The following KCNQ1 variants were observed in gnomAD, a reference collection of about 807,000 sequenced individuals.
KCNQ1 encodes the protein potassium voltage-gated channel subfamily KQT member 1.
In KCNQ1, 49 loss-of-function variants were observed where a neutral mutation model predicts 72.4. The ratio of observed to expected loss-of-function variants is 0.68; its 90% confidence interval spans 0.54 to 0.86. The LOEUF (loss-of-function observed/expected upper bound fraction) is 0.86, where lower values mean the gene tolerates loss of function less well. Among genes scored for constraint, KCNQ1 ranks in the 40% least tolerant of loss-of-function variants. The pLI, the probability that KCNQ1 is intolerant of heterozygous loss-of-function variation, is 0.00. For missense variants in KCNQ1, 790 were observed against 945.1 expected (o/e 0.84, Z 2.15); for synonymous variants, 450 against 412.6 (o/e 1.09, Z -1.10).
In KCNQ1 at chr11:2,629,293, T is replaced by C. The variant is rs905133475; in HGVS notation, c.1394-32668T>C. ...TCAATGTTTCATAGTTTTCAGTGTC[T>C]AGGTCTTTTATCTCCTTGGTTAAAT... On this transcript the variant is annotated intron_variant, in intron 10 of 15. Transcript: ENST00000155840. 32 of 398,444 alleles carry C rather than the reference T, an allele frequency of 8.0e-5. 1 individual carries two copies. Among genetic ancestry groups the C allele is most frequent in the Middle Eastern group, 1.3e-3 (2 of 1,586 alleles). The allele number at this position is 398,444 out of a possible 1,614,324, so 24.7% of individuals were successfully genotyped here.
intron 11 of KCNQ1, among the ~76,000 whole-genome samples, chr11:2,749,994 C>A (rs1030005166): frequency 6.6e-6 from 1 of 151,054 alleles, no homozygotes; most frequent in Non-Finnish European, 1.5e-5. Context: ...AGGGGCTCTA[C>A]ACGGCGCCCT....
chr11:2,743,979 A>T (rs1169061825), intron 11 of KCNQ1, among the ~76,000 whole-genome samples: 6 of 152,108 alleles, frequency 3.9e-5, no homozygotes, highest in Non-Finnish European at 8.8e-5. Flanking sequence ...TTCTGGCCTG[A>T]TCCGGGGCCT....
At chr11:2,740,854 C>G (rs752686239) in intron 11 of KCNQ1, among the ~76,000 whole-genome samples, 2 of 152,244 alleles carry the variant, frequency 1.3e-5, no homozygotes, top group Non-Finnish European at 2.9e-5. Context: ...TCCCCTGCCT[C>G]TTTCCCGTAT....
At chr11:2,702,470 T>C (rs1850832472) in intron 11 of KCNQ1, among the ~76,000 whole-genome samples, 1 of 152,210 alleles carries the variant, frequency 6.6e-6, no homozygotes, top group African/African-American at 2.4e-5. Flanking sequence ...CAAAGGGTGT[T>C]GGTTAGGATT....
intron 11 of KCNQ1, among the ~76,000 whole-genome samples, chr11:2,760,168 C>T (rs1434939532): frequency 1.3e-5 from 2 of 152,190 alleles, no homozygotes; most frequent in Non-Finnish European, 2.9e-5. Flanking sequence ...GGGCTCCTGG[C>T]TTTGAATTTG....
chr11:2,637,730 G>C (rs183214709), intron 10 of KCNQ1: 1 of 152,266 alleles, frequency 6.6e-6, no homozygotes, highest in East Asian at 1.9e-4. Flanking sequence ...TTCAATTCCT[G>C]GATATCCTTG....
rs1850363646 is a variant in KCNQ1 at position 2,679,975 on chromosome 11, C to T, written c.1514+17894C>T. On this transcript the variant is annotated intron_variant, in intron 11 of 15. Coordinates refer to ENST00000155840, the MANE Select transcript of KCNQ1 (RefSeq NM_000218.3). The surrounding 1 kb of genome is among the most constrained non-coding windows in gnomAD (Gnocchi z 4.8). ...GTGGCACAGTCTCGGCTTACTGCAA[C>T]CTCTACCTCCTGGGTTCAAGCAATT... is the stretch of plus-strand genomic sequence containing the variant. 2 of 396,918 alleles carry T rather than the reference C, an allele frequency of 5.0e-6. No homozygotes were observed. Among genetic ancestry groups the T allele is most frequent in the Admixed American group, 4.4e-5 (1 of 22,654 alleles). 24.6% of individuals were successfully genotyped at this position (396,918 alleles called of 1,614,324 possible). A position where few individuals can be genotyped will look rare whatever the true frequency, so the allele number is the denominator to read the frequency against.
In KCNQ1 at chr11:2,768,176, A is replaced by T. The variant is rs565603407; in HGVS notation, c.1515-668A>T. Among the ~76,000 whole-genome samples, 1 of 152,232 alleles carries T rather than the reference A, an allele frequency of 6.6e-6. No individual in the cohort carries two copies. Among genetic ancestry groups the T allele is most frequent in the African/African-American group, 2.4e-5 (1 of 41,544 alleles). On this transcript the variant is annotated intron_variant, in intron 11 of 15. Coordinates refer to ENST00000155840, the MANE Select transcript of KCNQ1 (RefSeq NM_000218.3). The surrounding 1 kb of genome is among the most constrained non-coding windows in gnomAD (Gnocchi z 6.7). ...GCGTTAGCTTCACTGCCAGGAGGGA[A>T]TCTCCTGTGGCCTCCATGGCGCTGT...
At position 2,782,599 on chromosome 11, in the gene KCNQ1, C is replaced by G. The variant is rs1452901965; in HGVS notation, c.1794+4562C>G. 1.3e-5 allele frequency among the ~76,000 whole-genome samples: 2 copies of G among 152,184 alleles called. No individual in the cohort carries two copies. Among genetic ancestry groups the G allele is most frequent in the African/African-American group, 4.8e-5 (2 of 41,444 alleles). On this transcript the variant is annotated intron_variant, in intron 15 of 15. Transcript: ENST00000155840. The surrounding 1 kb of genome is among the most constrained non-coding windows in gnomAD (Gnocchi z 6.1). Reference sequence around the variant, plus strand: ...CTGGTGTTTTCTTTGTGGGAAGATTCATCATTCCTGATTCAATCGCTCTAA... The same window carrying G: ...CTGGTGTTTTCTTTGTGGGAAGATTGATCATTCCTGATTCAATCGCTCTAA...
intron 11 of KCNQ1, among the ~76,000 whole-genome samples, chr11:2,728,610 G>T (rs1298113361): frequency 6.6e-6 from 1 of 152,218 alleles, no homozygotes; most frequent in Non-Finnish European, 1.5e-5. Flanking sequence ...AGGGCACGGG[G>T]CCTGAGCCTA....
Position 2,478,027 on chromosome 11 carries a change from C to T in KCNQ1, c.386+32543C>T, listed in dbSNP as rs534776869. ...AATCACTTTCTAGAGGCAAAGCTGGCGACACCACCCGAGCCAAGTGATCCA... is the reference window on the plus strand; with the variant it reads ...AATCACTTTCTAGAGGCAAAGCTGGTGACACCACCCGAGCCAAGTGATCCA... On this transcript the variant is annotated intron_variant, in intron 1 of 15. Coordinates refer to ENST00000155840, the MANE Select transcript of KCNQ1 (RefSeq NM_000218.3). This position sits in a 1 kb window ranked among gnomAD's most constrained non-coding sequence, Gnocchi z 4.0. 5.3e-5 allele frequency among the ~76,000 whole-genome samples: 8 copies of T among 152,248 alleles called. No homozygotes were observed. The highest frequency in any genetic ancestry group is 1.4e-4 in the African/African-American group (6 of 41,544).
At position 2,668,193 on chromosome 11, in the gene KCNQ1, A is replaced by G. The variant is rs569985709; in HGVS notation, c.1514+6112A>G. 2.7e-4 allele frequency: 106 copies of G among 398,594 alleles called. No homozygotes were observed. Among genetic ancestry groups the G allele is most frequent in the Non-Finnish European group, 4.3e-4 (98 of 226,054 alleles). The allele number at this position is 398,594 out of a possible 1,614,324, so 24.7% of individuals were successfully genotyped here. On this transcript the variant is annotated intron_variant, in intron 11 of 15. Transcript: ENST00000155840. The surrounding 1 kb of genome is among the most constrained non-coding windows in gnomAD (Gnocchi z 4.3). Reference sequence around the variant, plus strand: ...TGCTGACTGGTGCTCCATTGTGTGCATGGCCTACATCATTCATCCATTCTA... The same window carrying G: ...TGCTGACTGGTGCTCCATTGTGTGCGTGGCCTACATCATTCATCCATTCTA...
intron 10 of KCNQ1, chr11:2,638,431 T>C (rs1046031861): frequency 6.6e-6 from 1 of 152,218 alleles, no homozygotes; most frequent in African/African-American, 2.4e-5. Flanking sequence ...CCTTCACTTA[T>C]GAAGCTTAGT....
intron 15 of KCNQ1, among the ~76,000 whole-genome samples, chr11:2,844,145 C>T (rs762201235): frequency 3.2e-4 from 49 of 152,224 alleles, no homozygotes; most frequent in Admixed American, 5.2e-4. Flanking sequence ...TGAAGGCGCC[C>T]TGCCCGCAGA....
rs1188159572 is a variant in KCNQ1, at chr11:2,661,582, G to A, written c.1394-379G>A. The A allele has an allele frequency of 3.6e-6, 2 of 560,420 alleles. No homozygotes were observed. Among genetic ancestry groups the A allele is most frequent in the Non-Finnish European group, 3.2e-6 (1 of 315,416 alleles). 34.7% of individuals were successfully genotyped at this position (560,420 alleles called of 1,614,324 possible). On this transcript the variant is annotated intron_variant, in intron 10 of 15. Coordinates refer to ENST00000155840, the MANE Select transcript of KCNQ1 (RefSeq NM_000218.3). The surrounding 1 kb of genome is among the most constrained non-coding windows in gnomAD (Gnocchi z 5.9). ...AGTGTGACAATGTATGGTGGTGGGA[G>A]CTGTTGTCCCTTACCAGGCCTGTGC... is the stretch of plus-strand genomic sequence containing the variant.
chr11:2,799,970 C>T (rs983567134), intron 15 of KCNQ1, among the ~76,000 whole-genome samples: 5 of 152,178 alleles, frequency 3.3e-5, no homozygotes, highest in South Asian at 2.1e-4. Context: ...AACTGAGGTC[C>T]GGAGAGGCCT....
rs1849755451 is a variant in KCNQ1, at chr11:2,651,455, A to G, written c.1394-10506A>G. 5.0e-6 allele frequency: 2 copies of G among 398,636 alleles called. No homozygotes were observed. The highest frequency in any genetic ancestry group is 2.1e-5 in the African/African-American group (1 of 48,648). The allele number at this position is 398,636 out of a possible 1,614,324, so 24.7% of individuals were successfully genotyped here. A position where few individuals can be genotyped will look rare whatever the true frequency, so the allele number is the denominator to read the frequency against. ...TCAGCAAGTGCCTGAAGTCAGAGGT[A>G]GTGCTTATGAAAGTATCTGGTGGGC... On this transcript the variant is annotated intron_variant, in intron 10 of 15. Transcript: ENST00000155840. The surrounding 1 kb of genome is among the most constrained non-coding windows in gnomAD (Gnocchi z 6.1).
Position 2,676,725 on chromosome 11 carries a change from A to C in KCNQ1, c.1514+14644A>C, listed in dbSNP as rs568119137. The stretch of plus-strand genomic sequence containing the variant: ...GGCAGGAGATAACCAAGTCATATGC[A>C]TAGTGGCTTTGGGTACGATGGTCTG... On this transcript the variant is annotated intron_variant, in intron 11 of 15. Coordinates refer to ENST00000155840, the MANE Select transcript of KCNQ1 (RefSeq NM_000218.3). This position sits in a 1 kb window ranked among gnomAD's most constrained non-coding sequence, Gnocchi z 4.2. 30 of 398,702 alleles carry C rather than the reference A, an allele frequency of 7.5e-5. No homozygotes were observed. The East Asian group carries it at 9.6e-4, about 13-fold the overall frequency. The allele number at this position is 398,702 out of a possible 1,614,324, so 24.7% of individuals were successfully genotyped here. A position where few individuals can be genotyped will look rare whatever the true frequency, so the allele number is the denominator to read the frequency against.
In KCNQ1 at chr11:2,498,963, C is replaced by T. The variant is rs568359197; in HGVS notation, c.387-28965C>T. The stretch of plus-strand genomic sequence containing the variant: ...GCAAACTGCATGTTTGCAGTTCCCT[C>T]GGCTGGGGGAGGGAGGTCTCCCGGC... On this transcript the variant is annotated intron_variant, in intron 1 of 15. Coordinates refer to ENST00000155840, the MANE Select transcript of KCNQ1 (RefSeq NM_000218.3). The surrounding 1 kb of genome is among the most constrained non-coding windows in gnomAD (Gnocchi z 4.8). Among the ~76,000 whole-genome samples the T allele has an allele frequency of 6.6e-6, 1 of 152,298 alleles. No homozygotes were observed. Among genetic ancestry groups the T allele is most frequent in the South Asian group, 2.1e-4 (1 of 4,830 alleles).
Sources: allele counts gnomAD v4.1 joint callset (sites outside exome capture counted in the v4.1 genomes callset), GRCh38; gene constraint gnomAD v4.1.1; non-coding constraint Gnocchi (gnomAD v3.1); transcripts MANE v1.5; gene names NCBI Gene and HGNC (gene_info 2026-07-23, HGNC 2026-07-21).